The following SZRD1 variants were observed in gnomAD, a reference collection of about 807,000 sequenced individuals.
The protein encoded by SZRD1 is SUZ RNA-binding domain-containing.
SZRD1 carries 7 observed loss-of-function variants against 17.6 expected under a neutral mutation model. The ratio of observed to expected loss-of-function variants is 0.40; its 90% CI spans 0.23 to 0.75. The LOEUF (loss-of-function observed/expected upper bound fraction) is 0.75. Ranked by LOEUF, SZRD1 falls within the 30% of genes least tolerant of loss-of-function variation. SZRD1 has a pLI of 0.38. For synonymous variants in SZRD1, 77 were observed against 77.9 expected (o/e 0.99, Z 0.06); for missense variants, 178 against 201.8 (o/e 0.88, Z 0.71).
intron 1 of SZRD1, among the ~76,000 whole-genome samples, chr1:16,388,867 C>G (rs2085172524): frequency 6.6e-6 from 1 of 151,494 alleles, no homozygotes; most frequent in South Asian, 2.1e-4. Flanking sequence ...AAACTGGTCA[C>G]AAACTCCTGA....
intron 3 of SZRD1, among the ~76,000 whole-genome samples, chr1:16,394,593 CCT>C (rs2085276221): frequency 2.6e-5 from 4 of 152,272 alleles, no homozygotes; most frequent in South Asian, 4.2e-4. Flanking sequence ...TTGGAGGTGC[CCT>C]GAGTCAGCTT....
At position 16,393,002 on chromosome 1, in the gene SZRD1, G is replaced by A. The variant is rs1248056888; in HGVS notation, c.102-226G>A. On this transcript the variant is annotated intron_variant, in intron 2 of 3. Coordinates refer to ENST00000401088, the MANE Select transcript of SZRD1 (RefSeq NM_001114600.3). This position sits in a 1 kb window ranked among gnomAD's most constrained non-coding sequence, Gnocchi z 5.6. ...TTCCAGCCCCTGTGGCCAGGGGTTA[G>A]GGCTGAGGAGCAGTTCCTGTGGCCT... is the stretch of plus-strand genomic sequence containing the variant. Among the ~76,000 whole-genome samples, 1 of 152,218 alleles carries A rather than the reference G, an allele frequency of 6.6e-6. No individual in the cohort carries two copies. The highest frequency in any genetic ancestry group is 2.1e-4 in the South Asian group (1 of 4,836).
Position 16,393,334 on chromosome 1 carries a change from G to C in SZRD1, c.208G>C (p.Gly70Arg), listed in dbSNP as rs768078712. The C allele has an allele frequency of 3.1e-6, 5 of 1,614,202 alleles. No homozygotes were observed. The highest frequency in any genetic ancestry group is 1.1e-5 in the South Asian group (1 of 91,090). The change falls in exon 3 of 4, where the codon GGT becomes CGT. Residue 70 changes from glycine (G) to arginine (R), a missense_variant. This residue lies in a region of SZRD1 where 117 missense variants were observed against 108.7 expected (regional missense o/e 1.08). Transcript: ENST00000401088. This position sits in a 1 kb window ranked among gnomAD's most constrained non-coding sequence, Gnocchi z 5.6. Reference sequence around the variant, plus strand: ...CATCCTCAAGAGGCCCACCAGCAACGGTGTGGTCAGCAGCCCCAACTCCAC... The same window carrying C: ...CATCCTCAAGAGGCCCACCAGCAACCGTGTGGTCAGCAGCCCCAACTCCAC... The part of the protein sequence containing the change: ...IRILKRPTSN[G>R]VVSSPNSTSR...
Position 16,376,102 on chromosome 1 carries a change from T to C in SZRD1, c.51+8794T>C, listed in dbSNP as rs115957139. On this transcript the variant is annotated intron_variant, in intron 1 of 3. Transcript: ENST00000401088. ...TTTTTACAATCATTAGCAGTGACCTTGTGAGGTGTAGGTGCTATTATTCCT... is the reference window on the plus strand; with the variant it reads ...TTTTTACAATCATTAGCAGTGACCTCGTGAGGTGTAGGTGCTATTATTCCT... Among the ~76,000 whole-genome samples, 1,252 of 152,282 alleles carry C rather than the reference T, an allele frequency of 8.2e-3. 10 individuals carry two copies. Among genetic ancestry groups the C allele is most frequent in the African/African-American group, 0.029 (1,191 of 41,552 alleles).
At chr1:16,374,840 TGTA>T (rs200462260) in intron 1 of SZRD1, among the ~76,000 whole-genome samples, 1,680 of 152,294 alleles carry the variant, frequency 0.011, 33 homozygotes, top group African/African-American at 0.037. Context: ...AAAATTTTAA[TGTA>T]GTATCCATAG....
chr1:16,381,214 A>G (rs1415906832), intron 1 of SZRD1, among the ~76,000 whole-genome samples: 1 of 151,938 alleles, frequency 6.6e-6, no homozygotes, highest in Non-Finnish European at 1.5e-5. Context: ...TGATTGTACC[A>G]TTGCACTGTA....
At chr1:16,394,128 A>T (rs1039396542) in intron 3 of SZRD1, among the ~76,000 whole-genome samples, 1 of 152,188 alleles carries the variant, frequency 6.6e-6, no homozygotes, top group Non-Finnish European at 1.5e-5. Flanking sequence ...CCTCCTTCTA[A>T]CTTTGAGGGG....
chr1:16,367,409 C>T, intron 1 of SZRD1, 101 bp downstream of exon 1: 3 of 1,186,854 alleles, frequency 2.5e-6, no homozygotes, highest in Non-Finnish European at 3.5e-6. Context: ...AAGGAAGGGC[C>T]CCATACGCCG....
intron 1 of SZRD1, among the ~76,000 whole-genome samples, chr1:16,380,641 T>A (rs1051364208): frequency 2.6e-5 from 4 of 152,178 alleles, no homozygotes; most frequent in African/African-American, 9.6e-5. Flanking sequence ...GCTAATTTTG[T>A]ATTTTCCGTA....
chr1:16,367,923 C>G (rs1305025082), intron 1 of SZRD1: 1 of 152,254 alleles, frequency 6.6e-6, no homozygotes, highest in Non-Finnish European at 1.5e-5. Context: ...GGGACTCTGC[C>G]AAAGCAACCG....
chr1:16,385,594 T>C (rs969958373), intron 1 of SZRD1, among the ~76,000 whole-genome samples: 68 of 152,300 alleles, frequency 4.5e-4, no homozygotes, highest in African/African-American at 1.5e-3. Context: ...ACCACTGTAA[T>C]CTGCTTCACC....
At chr1:16,389,280 G>C (rs142567848) in intron 1 of SZRD1, among the ~76,000 whole-genome samples, 11 of 137,284 alleles carry the variant, frequency 8.0e-5, no homozygotes, top group African/African-American at 2.5e-4. Flanking sequence ...GGGGGGTGGG[G>C]GGGGGGCAGA....
chr1:16,374,538 C>T (rs2100700534), intron 1 of SZRD1, among the ~76,000 whole-genome samples: 1 of 152,290 alleles, frequency 6.6e-6, no homozygotes, highest in South Asian at 2.1e-4. Flanking sequence ...GTTTTTACTT[C>T]TATGACAGGA....
At chr1:16,384,625 C>T (rs914727162) in intron 1 of SZRD1, among the ~76,000 whole-genome samples, 3 of 152,178 alleles carry the variant, frequency 2.0e-5, no homozygotes, top group East Asian at 1.9e-4. Flanking sequence ...GGGACCTGGG[C>T]GCCAGTGTCC....
intron 1 of SZRD1, among the ~76,000 whole-genome samples, chr1:16,384,051 T>G (rs915677698): frequency 1.3e-5 from 2 of 152,330 alleles, no homozygotes; most frequent in East Asian, 3.9e-4. Flanking sequence ...GTGATAGGAC[T>G]TGGGGTGTGT....
chr1:16,390,841 A>G (rs2085211511), intron 1 of SZRD1, among the ~76,000 whole-genome samples: 2 of 152,016 alleles, frequency 1.3e-5, no homozygotes, highest in African/African-American at 4.8e-5. Context: ...GGGAGGGGAC[A>G]TTGCAGGCAG....
chr1:16,370,843 G>A (rs764671842), intron 1 of SZRD1, among the ~76,000 whole-genome samples: 2 of 152,102 alleles, frequency 1.3e-5, no homozygotes, highest in African/African-American at 2.4e-5. Context: ...ATATTTGAAC[G>A]CTGTCTTGAA....
At chr1:16,383,723 G>T (rs931188782) in intron 1 of SZRD1, among the ~76,000 whole-genome samples, 2 of 149,106 alleles carry the variant, frequency 1.3e-5, no homozygotes, top group Admixed American at 1.3e-4. Context: ...GGGTTCAAGC[G>T]ATTCTCCTGC....
intron 1 of SZRD1, chr1:16,367,606 G>A (rs1206180616): frequency 1.7e-5 from 8 of 475,688 alleles, no homozygotes; most frequent in Admixed American, 3.9e-5. Context: ...CCACTTGCTG[G>A]CCGTGGGCCT....
Sources: gnomAD v4.1 joint callset for allele counts (sites outside exome capture counted in the v4.1 genomes callset) on GRCh38, gnomAD v4.1.1 for gene constraint, gnomAD v4.1.1 regional missense constraint, Gnocchi (gnomAD v3.1) non-coding constraint, MANE v1.5 for transcripts, NCBI Gene and HGNC (gene_info 2026-07-23, HGNC 2026-07-21) for gene names.